Variants in PREX2 observed in about 807,000 individuals in gnomAD.
The protein encoded by PREX2 is phosphatidylinositol-3,4,5-trisphosphate dependent Rac exchange factor 2.
A neutral mutation model predicts 203.2 loss-of-function variants in PREX2; 107 were observed. The observed-to-expected ratio is 0.53, with a 90% CI of 0.45 to 0.62. The LOEUF (loss-of-function observed/expected upper bound fraction) is 0.62, where lower values mean the gene tolerates loss of function less well. Among genes scored for constraint, PREX2 ranks in the 20% least tolerant of loss-of-function variants. The probability of loss-of-function intolerance (pLI) is 0.00; values close to 1 mark genes in which losing one functional copy is unlikely to be tolerated. For missense variants in PREX2, 1,777 were observed against 1,955.9 expected (o/e 0.91, Z 1.72); for synonymous variants, 672 against 663.6 (o/e 1.01, Z -0.19).
At chr8:68,085,319 A>G (rs1188380782) in intron 18 of PREX2, among the ~76,000 whole-genome samples, 6 of 152,206 alleles carry the variant, frequency 3.9e-5, no homozygotes, top group Admixed American at 2.6e-4. Flanking sequence ...TACATTGTAT[A>G]GCATACTCAT....
intron 25 of PREX2, among the ~76,000 whole-genome samples, chr8:68,112,252 A>G (rs1008004377): frequency 1.3e-5 from 2 of 152,240 alleles, no homozygotes; most frequent in Admixed American, 1.3e-4. Context: ...GCAATGGGCT[A>G]TTTACTGGGT....
intron 34 of PREX2, among the ~76,000 whole-genome samples, chr8:68,155,944 A>G (rs532696276): frequency 1.3e-5 from 2 of 152,358 alleles, no homozygotes; most frequent in Admixed American, 6.5e-5. Flanking sequence ...GTGATTTTCT[A>G]AGATTTCAAT....
chr8:68,141,005 A>G (rs1811218826), intron 33 of PREX2, among the ~76,000 whole-genome samples: 1 of 152,136 alleles, frequency 6.6e-6, no homozygotes, highest in Non-Finnish European at 1.5e-5. Flanking sequence ...ATAACATGCT[A>G]AGTACTGAAC....
intron 1 of PREX2, among the ~76,000 whole-genome samples, chr8:68,003,453 T>G (rs1807003483): frequency 6.6e-6 from 1 of 152,232 alleles, no homozygotes; most frequent in African/African-American, 2.4e-5. Flanking sequence ...TAGTGAGTAC[T>G]ATAGACCAGG....
intron 1 of PREX2, among the ~76,000 whole-genome samples, chr8:68,016,988 T>C (rs1233660468): frequency 1.3e-5 from 2 of 152,180 alleles, no homozygotes; most frequent in Non-Finnish European, 2.9e-5. Flanking sequence ...ATACTCTTAT[T>C]AGCCATGTCC....
At position 68,179,976 on chromosome 8, in the gene PREX2, T is replaced by A. The variant is rs760492771; in HGVS notation, c.4347-11746T>A. 2.6e-4 allele frequency among the ~76,000 whole-genome samples: 39 copies of A among 152,202 alleles called. 1 individual carries two copies. Among genetic ancestry groups the A allele is most frequent in the Non-Finnish European group, 5.0e-4 (34 of 67,996 alleles). On this transcript the variant is annotated intron_variant, in intron 35 of 39. Coordinates refer to ENST00000288368, the MANE Select transcript of PREX2 (RefSeq NM_024870.4). Reference sequence around the variant, plus strand: ...CTGGCAGAATCAATGATAAATAAGATTGTCTCTATTTCTCCTCTTCCCACC... The same window carrying A: ...CTGGCAGAATCAATGATAAATAAGAATGTCTCTATTTCTCCTCTTCCCACC...
At chr8:68,026,449 T>G (rs1807716369) in intron 4 of PREX2, among the ~76,000 whole-genome samples, 1 of 152,140 alleles carries the variant, frequency 6.6e-6, no homozygotes, top group Non-Finnish European at 1.5e-5. Context: ...TTGTAGGCAC[T>G]GCAGAAAGAA....
At chr8:68,160,878 A>G (rs1811640233) in intron 35 of PREX2, among the ~76,000 whole-genome samples, 1 of 152,140 alleles carries the variant, frequency 6.6e-6, no homozygotes, top group Non-Finnish European at 1.5e-5. Flanking sequence ...AAGGTAAACA[A>G]AAGATTTTTA....
chr8:68,024,788 A>G (rs1301026309), intron 4 of PREX2, among the ~76,000 whole-genome samples: 1 of 151,898 alleles, frequency 6.6e-6, no homozygotes, highest in African/African-American at 2.4e-5. Flanking sequence ...CTCAATTTTT[A>G]AACTATATCA....
chr8:68,108,910 C>A, intron 24 of PREX2: 4 of 288,864 alleles, frequency 1.4e-5, no homozygotes, highest in Non-Finnish European at 2.8e-5. Flanking sequence ...ATAAATGAAC[C>A]TGGAAGATAT....
At chr8:68,024,072 C>T (rs1367071518) in intron 4 of PREX2, among the ~76,000 whole-genome samples, 1 of 151,988 alleles carries the variant, frequency 6.6e-6, no homozygotes, top group African/African-American at 2.4e-5. Context: ...TTTAGTCCTT[C>T]CGCATTAAGT....
chr8:68,131,651 A>G (rs1811010567), intron 31 of PREX2, among the ~76,000 whole-genome samples: 1 of 152,218 alleles, frequency 6.6e-6, no homozygotes, highest in Non-Finnish European at 1.5e-5. Flanking sequence ...TGCAAATAGT[A>G]TATAGTAGCA....
chr8:68,011,128 C>T (rs1807245734), intron 1 of PREX2, among the ~76,000 whole-genome samples: 1 of 152,152 alleles, frequency 6.6e-6, no homozygotes, highest in Non-Finnish European at 1.5e-5. Context: ...GAGTAAATAT[C>T]TCGCTTAATT....
intron 8 of PREX2, among the ~76,000 whole-genome samples, chr8:68,045,274 A>G (rs1808317989): frequency 6.6e-6 from 1 of 152,150 alleles, no homozygotes; most frequent in South Asian, 2.1e-4. Flanking sequence ...AGTGAATTCC[A>G]TTTTTCCCCA....
chr8:68,027,951 C>G (rs1807777584), intron 5 of PREX2, among the ~76,000 whole-genome samples: 2 of 152,042 alleles, frequency 1.3e-5, no homozygotes, highest in Non-Finnish European at 2.9e-5. Flanking sequence ...ACTGCCCTTA[C>G]TGCAAGGGAC....
intron 35 of PREX2, among the ~76,000 whole-genome samples, chr8:68,162,093 TACCTCCC>T (rs1462581804): frequency 6.6e-6 from 1 of 152,164 alleles, no homozygotes; most frequent in African/African-American, 2.4e-5. Flanking sequence ...ATAATTCAAT[TACCTCCC>T]ACTTGGTCCC....
At chr8:68,034,955 A>C (rs1464300706) in intron 6 of PREX2, among the ~76,000 whole-genome samples, 1 of 152,152 alleles carries the variant, frequency 6.6e-6, no homozygotes, top group Non-Finnish European at 1.5e-5. Context: ...TGGTTCTGGA[A>C]AAAGACCACT....
At chr8:68,220,901 C>T (rs2129615392) in intron 38 of PREX2, among the ~76,000 whole-genome samples, 1 of 152,216 alleles carries the variant, frequency 6.6e-6, no homozygotes, top group Non-Finnish European at 1.5e-5. Flanking sequence ...GGTACGTGTG[C>T]AGGTTTGTTA....
At chr8:68,070,880 G>GA (rs1809173946) in intron 13 of PREX2, among the ~76,000 whole-genome samples, 1 of 152,098 alleles carries the variant, frequency 6.6e-6, no homozygotes, top group South Asian at 2.1e-4. Flanking sequence ...CCACAATCCT[G>GA]AAAGTGCCCT....
Sources: allele counts gnomAD v4.1 joint callset (sites outside exome capture counted in the v4.1 genomes callset), GRCh38; gene constraint gnomAD v4.1.1; transcripts MANE v1.5; gene names NCBI Gene and HGNC (gene_info 2026-07-23, HGNC 2026-07-21).